Variants in TNR observed in about 807,000 individuals in gnomAD.
The protein encoded by TNR is tenascin R, also known as tenascin-R.
Under a neutral mutation model 150.4 loss-of-function variants are expected in TNR, and 45 were observed. That is an observed-to-expected ratio of 0.30 (90% CI 0.24 to 0.38). The LOEUF (loss-of-function observed/expected upper bound fraction) is 0.38. Among genes scored for constraint, TNR ranks in the 10% least tolerant of loss-of-function variants. The probability of loss-of-function intolerance (pLI) is 1.00; values close to 1 mark genes in which losing one functional copy is unlikely to be tolerated. For synonymous variants in TNR, 687 were observed against 678.4 expected (o/e 1.01, Z -0.20); for missense variants, 1,544 against 1,759.1 (o/e 0.88, Z 2.19).
At chr1:175,701,331 A>C (rs1666690550) in intron 1 of TNR, among the ~76,000 whole-genome samples, 2 of 152,082 alleles carry the variant, frequency 1.3e-5, no homozygotes, top group African/African-American at 4.8e-5. Flanking sequence ...ACTTCTTCTC[A>C]TGGTGGCCTT....
chr1:175,580,132 C>T (rs1662293738), intron 1 of TNR, among the ~76,000 whole-genome samples: 1 of 152,150 alleles, frequency 6.6e-6, no homozygotes, highest in Admixed American at 6.5e-5. Flanking sequence ...GCTCTGGCAG[C>T]TGATGCAAGA....
intron 2 of TNR, among the ~76,000 whole-genome samples, chr1:175,518,050 A>G (rs1238452345): frequency 2.0e-5 from 3 of 150,328 alleles, no homozygotes; most frequent in Non-Finnish European, 4.4e-5. Context: ...GTTTAAGTAA[A>G]TAAATAAATA....
chr1:175,486,655 G>A (rs1253727735), intron 2 of TNR, among the ~76,000 whole-genome samples: 3 of 152,152 alleles, frequency 2.0e-5, no homozygotes, highest in Non-Finnish European at 4.4e-5. Context: ...GGGATTGCTG[G>A]GTCAAATAGT....
chr1:175,424,928 G>T (rs1220570770), intron 2 of TNR, among the ~76,000 whole-genome samples: 1 of 151,954 alleles, frequency 6.6e-6, no homozygotes, highest in East Asian at 1.9e-4. Context: ...GACCCTGGAG[G>T]GTGACTCAAG....
intron 1 of TNR, among the ~76,000 whole-genome samples, chr1:175,710,342 G>A (rs552522141): frequency 3.5e-4 from 54 of 152,246 alleles, no homozygotes; most frequent in African/African-American, 1.1e-3. Flanking sequence ...TGTGGGCATG[G>A]AGCAGGCTGT....
rs970521856 is a variant in TNR at position 175,599,483 on chromosome 1, G to A, written c.-164-71114C>T. On this transcript the variant is annotated intron_variant, in intron 1 of 22. Coordinates refer to ENST00000367674, the MANE Select transcript of TNR (RefSeq NM_003285.3). This position sits in a 1 kb window ranked among gnomAD's most constrained non-coding sequence, Gnocchi z 4.7. ...TGAGAAGACTTGGGGTCTTGCGATC[G>A]CCGCCGAGTGACGGAGTAATTCGCA... Among the ~76,000 whole-genome samples, 2 of 152,256 alleles carry A rather than the reference G, an allele frequency of 1.3e-5. No homozygotes were observed. The highest frequency in any genetic ancestry group is 4.8e-5 in the African/African-American group (2 of 41,472).
At chr1:175,496,299 A>T (rs1254346499) in intron 2 of TNR, among the ~76,000 whole-genome samples, 1 of 151,960 alleles carries the variant, frequency 6.6e-6, no homozygotes, top group Non-Finnish European at 1.5e-5. Context: ...GTATTCCCCA[A>T]CTTCTCCTTG....
At chr1:175,685,447 C>T (rs957844938) in intron 1 of TNR, among the ~76,000 whole-genome samples, 5 of 152,138 alleles carry the variant, frequency 3.3e-5, no homozygotes, top group African/African-American at 1.2e-4. Context: ...CTAGTCAATT[C>T]CACCAGTTAG....
intron 1 of TNR, among the ~76,000 whole-genome samples, chr1:175,547,048 G>A (rs1383992765): frequency 6.6e-6 from 1 of 152,152 alleles, no homozygotes. Context: ...AGCTCATCCT[G>A]ACACTCCATT....
chr1:175,423,761 C>A (rs181898321), intron 2 of TNR, among the ~76,000 whole-genome samples: 1 of 152,096 alleles, frequency 6.6e-6, no homozygotes, highest in African/African-American at 2.4e-5. Context: ...CATGGGGCTG[C>A]GGAACTAGGG....
intron 4 of TNR, among the ~76,000 whole-genome samples, chr1:175,400,817 G>C (rs958511497): frequency 1.3e-5 from 2 of 152,082 alleles, no homozygotes; most frequent in African/African-American, 4.8e-5. Context: ...TGGATAAATA[G>C]CCCCTTCTCC....
chr1:175,458,968 A>T (rs1005802179), intron 2 of TNR, among the ~76,000 whole-genome samples: 3 of 151,700 alleles, frequency 2.0e-5, no homozygotes, highest in African/African-American at 7.3e-5. Flanking sequence ...CACCATCACC[A>T]CCACGTTAAC....
At chr1:175,624,733 G>A (rs1664091121) in intron 1 of TNR, among the ~76,000 whole-genome samples, 1 of 152,140 alleles carries the variant, frequency 6.6e-6, no homozygotes, top group Non-Finnish European at 1.5e-5. Flanking sequence ...CTTCATTACT[G>A]TAGCCCTGGG....
Position 175,334,140 on chromosome 1 carries a change from G to A in TNR, c.3631+1571C>T, listed in dbSNP as rs112853467. On this transcript the variant is annotated intron_variant, in intron 20 of 22. Coordinates refer to ENST00000367674, the MANE Select transcript of TNR (RefSeq NM_003285.3). Reference sequence around the variant, plus strand: ...CCATCGCCCATATTTGGGGTGTGAGGAAGATCATTATAGTGGTCATGAACC... The same window carrying A: ...CCATCGCCCATATTTGGGGTGTGAGAAAGATCATTATAGTGGTCATGAACC... 7.9e-3 allele frequency among the ~76,000 whole-genome samples: 1,196 copies of A among 152,266 alleles called. 14 individuals carry two copies. Among genetic ancestry groups the A allele is most frequent in the African/African-American group, 0.025 (1,050 of 41,520 alleles).
rs548336837 is a variant in TNR at position 175,634,589 on chromosome 1, G to A, written c.-164-106220C>T. On this transcript the variant is annotated intron_variant, in intron 1 of 22. Transcript: ENST00000367674. ...AAATGTGGGCGTTGTTTGGGACTTA[G>A]TATGTGGGAGCACAAGACAGGACTC... Among the ~76,000 whole-genome samples the A allele has an allele frequency of 2.0e-5, 3 of 152,276 alleles. No homozygotes were observed. In the South Asian group the frequency reaches 6.2e-4, roughly 32 times the overall value.
chr1:175,578,570 G>A (rs1662214906), intron 1 of TNR, among the ~76,000 whole-genome samples: 1 of 152,186 alleles, frequency 6.6e-6, no homozygotes, highest in Non-Finnish European at 1.5e-5. Context: ...TGGGGAGAGA[G>A]ATGAATGAGA....
intron 1 of TNR, among the ~76,000 whole-genome samples, chr1:175,547,551 A>G (rs1186066155): frequency 6.7e-6 from 1 of 149,796 alleles, no homozygotes; most frequent in Non-Finnish European, 1.5e-5. Flanking sequence ...ACAAAGGAGA[A>G]AGAAAGATAG....
chr1:175,692,549 A>G (rs776528143), intron 1 of TNR, among the ~76,000 whole-genome samples: 8 of 152,228 alleles, frequency 5.3e-5, no homozygotes, highest in Non-Finnish European at 8.8e-5. Context: ...TTGCAGCTAT[A>G]AACAAGTAAG....
At chr1:175,446,602 T>C (rs888571312) in intron 2 of TNR, among the ~76,000 whole-genome samples, 11 of 152,310 alleles carry the variant, frequency 7.2e-5, no homozygotes, top group Middle Eastern at 3.4e-3. Context: ...TAGCCATTTC[T>C]GGAGGGTGAA....
Sources: allele counts gnomAD v4.1 joint callset (sites outside exome capture counted in the v4.1 genomes callset), GRCh38; gene constraint gnomAD v4.1.1; non-coding constraint Gnocchi (gnomAD v3.1); transcripts MANE v1.5; gene names NCBI Gene and HGNC (gene_info 2026-07-23, HGNC 2026-07-21).